The following TPRG1 variants were observed in gnomAD, a reference collection of about 807,000 sequenced individuals.
The protein encoded by TPRG1 is tumor protein p63 regulated 1.
Under a neutral mutation model 29.3 loss-of-function variants are expected in TPRG1, and 29 were observed. That is an observed-to-expected ratio of 0.99 (90% CI 0.74 to 1.35). The LOEUF is 1.35. Among genes scored for constraint, TPRG1 ranks in the 40% most tolerant of loss-of-function variants. The pLI, the probability that TPRG1 is intolerant of heterozygous loss-of-function variation, is 0.00. For missense variants in TPRG1, 327 were observed against 335.0 expected, an observed-to-expected ratio of 0.98 and a Z score of 0.19; for synonymous variants, 130 against 116.8, an observed-to-expected ratio of 1.11 and a Z score of -0.73.
chr3:189,108,526 G>A (rs1720087599), intron 1 of TPRG1, among the ~76,000 whole-genome samples: 1 of 149,504 alleles, frequency 6.7e-6, no homozygotes, highest in African/African-American at 2.5e-5. Context: ...TTATTTTTTA[G>A]AACGTGTTTT....
chr3:189,266,146 G>T (rs1250574800), intron 4 of TPRG1, among the ~76,000 whole-genome samples: 1 of 152,134 alleles, frequency 6.6e-6, no homozygotes, highest in East Asian at 1.9e-4. Context: ...ATACTAATTT[G>T]TAAAATAGAA....
intron 1 of TPRG1, among the ~76,000 whole-genome samples, chr3:189,192,862 C>A (rs1264230746): frequency 6.6e-6 from 1 of 152,094 alleles, no homozygotes; most frequent in Non-Finnish European, 1.5e-5. Flanking sequence ...CTCATAAGTC[C>A]AATCTAGTGG....
intron 1 of TPRG1, among the ~76,000 whole-genome samples, chr3:189,186,428 T>TAAAAC: frequency 6.6e-6 from 1 of 152,324 alleles, no homozygotes; most frequent in East Asian, 1.9e-4. Flanking sequence ...CTTGTTGAAT[T>TAAAAC]AAAACAAAAC....
chr3:189,055,082 A>G (rs1715576864), intron 4 of TPRG1, among the ~76,000 whole-genome samples: 1 of 152,196 alleles, frequency 6.6e-6, no homozygotes, highest in Admixed American at 6.5e-5. Context: ...CCTAGTATTT[A>G]GTTGTAGAGT....
chr3:189,084,116 A>T lies in TPRG1; in HGVS notation c.-462-42941A>T, dbSNP rs1219375063. Reference sequence around the variant, plus strand: ...CAGTGAGCCAGGATTGCACTGTTGCACTCCAGCCTGGGTGACAGAGTGAGA... The same window carrying T: ...CAGTGAGCCAGGATTGCACTGTTGCTCTCCAGCCTGGGTGACAGAGTGAGA... On this transcript the variant is annotated intron_variant, in intron 4 of 10. Transcript: ENST00000433971. Among the ~76,000 whole-genome samples the T allele has an allele frequency of 2.0e-5, 3 of 151,760 alleles. No homozygotes were observed. The East Asian group carries it at 5.8e-4, about 29-fold the overall frequency.
chr3:189,224,931 CTTTTTTTTTTTT>C (rs139957231), intron 3 of TPRG1, among the ~76,000 whole-genome samples: 6 of 126,980 alleles, frequency 4.7e-5, no homozygotes, highest in Non-Finnish European at 8.3e-5. Context: ...CTTCCTTTTT[CTTTTTTTTTTTT>C]TTTTTTGAGA....
chr3:189,265,026 G>A (rs562041174), intron 4 of TPRG1, among the ~76,000 whole-genome samples: 3 of 152,274 alleles, frequency 2.0e-5, no homozygotes, highest in Admixed American at 1.3e-4. Context: ...GAGGAAAGTT[G>A]AATCTTAAAG....
intron 4 of TPRG1, among the ~76,000 whole-genome samples, chr3:189,076,962 A>G (rs1193008712): frequency 6.7e-6 from 1 of 149,726 alleles, no homozygotes; most frequent in Non-Finnish European, 1.5e-5. Context: ...CACATGAGAA[A>G]GTGCTTATTG....
chr3:189,022,765 A>G (rs1048978442), intron 3 of TPRG1, among the ~76,000 whole-genome samples: 16 of 152,256 alleles, frequency 1.1e-4, no homozygotes, highest in African/African-American at 1.9e-4. Context: ...CCCAGTTGGA[A>G]CTTCCCGGCT....
chr3:189,089,331 T>C (rs901479502), intron 4 of TPRG1, among the ~76,000 whole-genome samples: 9 of 152,242 alleles, frequency 5.9e-5, no homozygotes, highest in African/African-American at 1.4e-4. Flanking sequence ...GATTCTTCTG[T>C]AGTCTATTTT....
At chr3:189,193,591 C>A (rs1174697265) in intron 1 of TPRG1, among the ~76,000 whole-genome samples, 1 of 147,856 alleles carries the variant, frequency 6.8e-6, no homozygotes, top group Non-Finnish European at 1.5e-5. Flanking sequence ...TGTAAGCTTT[C>A]CTCACTCCTT....
chr3:189,093,095 C>G (rs1718442045), intron 4 of TPRG1, among the ~76,000 whole-genome samples: 1 of 151,438 alleles, frequency 6.6e-6, no homozygotes, highest in African/African-American at 2.4e-5. Context: ...GATAATACCC[C>G]CAAACCGAAC....
intron 4 of TPRG1, among the ~76,000 whole-genome samples, chr3:189,052,127 G>A (rs937463839): frequency 6.6e-6 from 1 of 152,180 alleles, no homozygotes; most frequent in African/African-American, 2.4e-5. Context: ...CTTTTGCACG[G>A]CAAAAGGAAC....
At chr3:189,093,170 A>G (rs536518688) in intron 4 of TPRG1, among the ~76,000 whole-genome samples, 1 of 152,304 alleles carries the variant, frequency 6.6e-6, no homozygotes, top group South Asian at 2.1e-4. Context: ...AAGAAATAAA[A>G]GAAAGTAAAC....
chr3:189,022,718 G>A (rs1407034339), intron 3 of TPRG1, among the ~76,000 whole-genome samples: 1 of 152,224 alleles, frequency 6.6e-6, no homozygotes, highest in East Asian at 1.9e-4. Flanking sequence ...GGAGCCTAAA[G>A]AGGCAGGCAG....
intron 1 of TPRG1, among the ~76,000 whole-genome samples, chr3:189,124,114 C>G (rs1169374960): frequency 1.3e-5 from 2 of 152,072 alleles, no homozygotes; most frequent in Non-Finnish European, 2.9e-5. Context: ...TTCATTGACT[C>G]ACTAATTCAC....
chr3:189,042,113 G>A (rs1484741166), intron 4 of TPRG1, among the ~76,000 whole-genome samples: 2 of 151,966 alleles, frequency 1.3e-5, no homozygotes, highest in East Asian at 3.9e-4. Context: ...AGGTCCTTAA[G>A]AAGCCCTAAA....
At chr3:189,083,824 C>T (rs1717758629) in intron 4 of TPRG1, among the ~76,000 whole-genome samples, 1 of 126,354 alleles carries the variant, frequency 7.9e-6, no homozygotes, top group East Asian at 2.2e-4. Flanking sequence ...TTCTTTATCT[C>T]TGATCTTCAG....
chr3:189,019,242 G>T (rs1292359142), intron 3 of TPRG1, among the ~76,000 whole-genome samples: 2 of 151,674 alleles, frequency 1.3e-5, no homozygotes, highest in South Asian at 2.1e-4. Context: ...CTGCCTAATT[G>T]CCCTGGCCAG....
Sources: gnomAD v4.1 joint callset for allele counts (sites outside exome capture counted in the v4.1 genomes callset) on GRCh38, gnomAD v4.1.1 for gene constraint, MANE v1.5 for transcripts, NCBI Gene and HGNC (gene_info 2026-07-23, HGNC 2026-07-21) for gene names.